The following UNC13C variants were observed in gnomAD, a reference collection of about 807,000 sequenced individuals.
UNC13C encodes the protein unc-13 homolog C.
UNC13C carries 174 observed loss-of-function variants against 245.4 expected under a neutral mutation model. The ratio of observed to expected loss-of-function variants is 0.71; its 90% confidence interval spans 0.63 to 0.80. UNC13C has a LOEUF of 0.80. Ranked by LOEUF, UNC13C falls within the 30% of genes least tolerant of loss-of-function variation. The probability of loss-of-function intolerance (pLI) is 0.00; values close to 1 mark genes in which losing one functional copy is unlikely to be tolerated. For missense variants in UNC13C, 2,829 were observed against 2,602.9 expected (o/e 1.09, Z -1.89); for synonymous variants, 992 against 895.1 (o/e 1.11, Z -1.93).
At chr15:54,092,717 A>G (rs1899639260) in intron 2 of UNC13C, among the ~76,000 whole-genome samples, 1 of 152,202 alleles carries the variant, frequency 6.6e-6, no homozygotes, top group African/African-American at 2.4e-5. Flanking sequence ...AACTCATAGT[A>G]TCAAAACTAT....
At chr15:53,961,306 G>A in the UNC13C span, among the ~76,000 whole-genome samples, 1 of 152,228 alleles carries the variant, frequency 6.6e-6, no homozygotes, top group African/African-American at 2.4e-5. Flanking sequence ...ACTCTGCTGG[G>A]GCAGCCCTCC....
intron 30 of UNC13C, among the ~76,000 whole-genome samples, chr15:54,593,335 T>C (rs1056554840): frequency 1.1e-4 from 8 of 76,076 alleles, no homozygotes; most frequent in African/African-American, 3.8e-4. Context: ...TTGTGCTTCT[T>C]GTATTTGCAT....
chr15:54,039,496 A>G (rs1452669665), intron 2 of UNC13C, among the ~76,000 whole-genome samples: 1 of 152,230 alleles, frequency 6.6e-6, no homozygotes, highest in Non-Finnish European at 1.5e-5. Flanking sequence ...ATAACCAACT[A>G]GAATCCCTCC....
chr15:54,026,743 T>G (rs2163197), intron 2 of UNC13C, among the ~76,000 whole-genome samples: 127,368 of 152,042 alleles, frequency 0.84, 53,983 homozygotes, highest in South Asian at 0.95. Flanking sequence ...GTGTCTTTGG[T>G]CTAATTTTCC....
chr15:54,219,319 G>T (rs1173037001), intron 4 of UNC13C, among the ~76,000 whole-genome samples: 10 of 151,538 alleles, frequency 6.6e-5, no homozygotes, highest in Non-Finnish European at 1.5e-4. Context: ...TCTGATCTTT[G>T]ACAAACCTGA....
intron 19 of UNC13C, among the ~76,000 whole-genome samples, chr15:54,474,861 C>T (rs1892641100): frequency 6.6e-6 from 1 of 151,918 alleles, no homozygotes; most frequent in Non-Finnish European, 1.5e-5. Context: ...AGAAGGGGAG[C>T]AGGCATCACA....
intron 2 of UNC13C, among the ~76,000 whole-genome samples, chr15:54,114,477 C>A (rs187908518): frequency 6.6e-5 from 10 of 152,174 alleles, no homozygotes; most frequent in African/African-American, 2.4e-4. Flanking sequence ...CTACAACTTG[C>A]TTTTTTCACT....
chr15:54,472,707 A>G lies in UNC13C; in HGVS notation c.4934-21901A>G, dbSNP rs532479177. Reference sequence around the variant, plus strand: ...TTTTTTCTCTTTCATAATTTTGAGTATATCATCTCACTTACTTCTGGCCTA... The same window carrying G: ...TTTTTTCTCTTTCATAATTTTGAGTGTATCATCTCACTTACTTCTGGCCTA... On this transcript the variant is annotated intron_variant, in intron 19 of 32. Coordinates refer to ENST00000260323, the MANE Select transcript of UNC13C (RefSeq NM_001080534.3). Among the ~76,000 whole-genome samples, 429 of 152,002 alleles carry G rather than the reference A, an allele frequency of 2.8e-3. 1 individual carries two copies. Among genetic ancestry groups the G allele is most frequent in the African/African-American group, 1.0e-2 (414 of 41,520 alleles).
In UNC13C at chr15:54,050,205, C is replaced by G. The variant is rs1208287604; in HGVS notation, c.2983+34319C>G. On this transcript the variant is annotated intron_variant, in intron 2 of 32. Transcript: ENST00000260323. The stretch of plus-strand genomic sequence containing the variant: ...CAGGCTAGTTTTGAACTCCTGACCT[C>G]AGGTGATCCACCCACCTCAGCCTCC... 3.1e-5 allele frequency: 16 copies of G among 520,244 alleles called. No homozygotes were observed. In the East Asian group the frequency reaches 7.2e-4, roughly 23 times the overall value. The allele number at this position is 520,244 out of a possible 1,614,324, so 32.2% of individuals were successfully genotyped here.
chr15:54,319,355 T>A (rs926770176), intron 13 of UNC13C, among the ~76,000 whole-genome samples: 10 of 151,932 alleles, frequency 6.6e-5, no homozygotes, highest in African/African-American at 2.2e-4. Context: ...TATTTTTAAC[T>A]AATATTTTTT....
chr15:54,593,372 G>T (rs1226990839), intron 30 of UNC13C, among the ~76,000 whole-genome samples: 1 of 152,144 alleles, frequency 6.6e-6, no homozygotes, highest in Non-Finnish European at 1.5e-5. Context: ...CAAGGCCAGA[G>T]AAGTTTTCCT....
intron 13 of UNC13C, among the ~76,000 whole-genome samples, chr15:54,318,439 T>A (rs1407086632): frequency 1.3e-5 from 2 of 151,902 alleles, no homozygotes; most frequent in African/African-American, 4.8e-5. Context: ...TGAGGTAATA[T>A]CTGATGTGGT....
At chr15:54,255,214 C>G (rs970390509) in intron 8 of UNC13C, among the ~76,000 whole-genome samples, 1 of 152,116 alleles carries the variant, frequency 6.6e-6, no homozygotes, top group African/African-American at 2.4e-5. Flanking sequence ...CCTCCCTTAT[C>G]GCAAGGACAG....
chr15:54,076,770 A>T (rs893614339), intron 2 of UNC13C, among the ~76,000 whole-genome samples: 18 of 152,190 alleles, frequency 1.2e-4, no homozygotes, highest in Admixed American at 2.6e-4. Context: ...TTTAGGTCAG[A>T]TCCCTGTGGG....
chr15:54,125,458 A>G (rs1361832284), intron 2 of UNC13C, among the ~76,000 whole-genome samples: 2 of 152,148 alleles, frequency 1.3e-5, no homozygotes, highest in Non-Finnish European at 2.9e-5. Context: ...GTGAGATTCC[A>G]TCTAAAAAGA....
intron 2 of UNC13C, among the ~76,000 whole-genome samples, chr15:54,130,130 G>A (rs1308864281): frequency 6.6e-6 from 1 of 151,158 alleles, no homozygotes; most frequent in Non-Finnish European, 1.5e-5. Context: ...TATAAAATAA[G>A]GCATGCTTAA....
At chr15:53,973,000 A>T in the UNC13C span, among the ~76,000 whole-genome samples, 1 of 151,976 alleles carries the variant, frequency 6.6e-6, no homozygotes, top group African/African-American at 2.4e-5. Flanking sequence ...TATAGTTTTC[A>T]TTTTTGTCAA....
intron 27 of UNC13C, among the ~76,000 whole-genome samples, chr15:54,549,360 C>T (rs1896631483): frequency 1.3e-5 from 2 of 152,138 alleles, no homozygotes; most frequent in Admixed American, 1.3e-4. Flanking sequence ...CTGATTTAAT[C>T]CATATACTAC....
At chr15:54,556,853 A>G (rs1897112600) in intron 29 of UNC13C, among the ~76,000 whole-genome samples, 1 of 152,126 alleles carries the variant, frequency 6.6e-6, no homozygotes, top group South Asian at 2.1e-4. Context: ...GCATGGCTTT[A>G]GGAAAGGAAG....
Sources: allele counts gnomAD v4.1 joint callset (sites outside exome capture counted in the v4.1 genomes callset), GRCh38; gene constraint gnomAD v4.1.1; transcripts MANE v1.5; gene names NCBI Gene and HGNC (gene_info 2026-07-23, HGNC 2026-07-21).